Variants in PLEC observed in about 807,000 individuals in gnomAD.
PLEC encodes the protein hemidesmosomal protein 1.
Under a neutral mutation model 392.8 loss-of-function variants are expected in PLEC, and 216 were observed. That is an observed-to-expected ratio of 0.55 (90% CI 0.49 to 0.62). PLEC has a LOEUF of 0.62. PLEC is among the 20% of genes least tolerant of loss of function. The pLI, the probability that PLEC is intolerant of heterozygous loss-of-function variation, is 0.00. For synonymous variants in PLEC, 3,621 were observed against 2,980.6 expected (o/e 1.21, Z -7.00); for missense variants, 6,863 against 6,563.4 (o/e 1.05, Z -1.58).
chr8:143,929,081 G>C (rs1554710113), intron 25 of PLEC, 22 bp downstream of exon 25: 2 of 1,554,124 alleles, frequency 1.3e-6, no homozygotes, highest in Admixed American at 3.9e-5. Flanking sequence ...CCAGCCCCTC[G>C]CCTGTGGCCA....
chr8:143,936,838 C>G, intron 5 of PLEC, 141 bp downstream of exon 5: 2 of 694,520 alleles, frequency 2.9e-6, no homozygotes, highest in Non-Finnish European at 5.1e-6. Flanking sequence ...AGGAAGGCAC[C>G]CAGGTGCCAC....
At chr8:143,929,363 G>A in intron 24 of PLEC, 51 bp downstream of exon 24, 1 of 1,538,412 alleles carries the variant, frequency 6.5e-7, no homozygotes, top group South Asian at 1.2e-5. Context: ...GGGAGGGTGG[G>A]AGGAGGGATG....
rs542642242 is a variant in PLEC, at chr8:143,924,458, G to A, written c.5471C>T (p.Ala1824Val). 1.0e-3 allele frequency: 1,584 copies of A among 1,548,614 alleles called. 3 individuals are homozygous for A. The highest frequency in any genetic ancestry group is 1.0e-3 in the Non-Finnish European group (1,199 of 1,156,888). The change falls in exon 31 of 32, where the codon GCG (alanine) becomes GTG (valine). Residue 1824 changes from alanine to valine, a missense_variant. Transcript: ENST00000345136. Reference sequence around the variant, plus strand: ...CTCCGCCTCGGCCCGCTGCCGCGCCGCGTCTTCCTCGGCCAGCTGCCGCTG... The same window carrying A: ...CTCCGCCTCGGCCCGCTGCCGCGCCACGTCTTCCTCGGCCAGCTGCCGCTG... ...KRQRQLAEEDAARQRAEAERV... is the reference protein window; with the variant it reads ...KRQRQLAEEDVARQRAEAERV...
upstream of PLEC, among the ~76,000 whole-genome samples, chr8:143,944,388 G>T (rs1386445721): frequency 6.6e-6 from 1 of 152,216 alleles, no homozygotes; most frequent in South Asian, 2.1e-4. Flanking sequence ...GGCAGGCATG[G>T]AGGGATGCCA....
intron 17 of PLEC, 44 bp from the exon 18 acceptor site, chr8:143,932,076 T>G (rs894719911): frequency 3.2e-6 from 5 of 1,551,672 alleles, no homozygotes; most frequent in African/African-American, 3.1e-5. Context: ...CCGCCCCGCC[T>G]GGGGACCCGG....
Position 143,924,912 on chromosome 8 carries a change from C to T in PLEC, c.5017G>A (p.Ala1673Thr). Residue 1673 changes from alanine (A) to threonine (T), a missense_variant, in exon 31 of 32, where the codon GCG becomes ACG. Physicochemically the swap from Ala to Thr is moderately conservative, Grantham distance 58. Coordinates refer to ENST00000345136, the MANE Select transcript of PLEC (RefSeq NM_201384.3). ...EKQKEEAERE[A>T]RRRGKAEEQA... The stretch of plus-strand genomic sequence containing the variant: ...TCCTCCGCCTTGCCGCGCCGCCGCG[C>T]CTCGCGCTCCGCCTCCTCCTTCTGC... 6.3e-7 allele frequency: 1 copy of T among 1,585,682 alleles called. No individual in the cohort carries two copies. The highest frequency in any genetic ancestry group is 2.3e-5 in the East Asian group (1 of 44,064).
chr8:143,933,961 C>T lies in PLEC; in HGVS notation c.1263+37G>A, dbSNP rs202219446. On this transcript the variant is annotated intron_variant, in intron 12 of 31. Transcript: ENST00000345136. ...GCAGGGCGGGGCAGGCTCCTCCGGC[C>T]TCCCTCCCGCCCACTGCCTGCCCCA... is the stretch of plus-strand genomic sequence containing the variant. 76 of 1,552,078 alleles carry T rather than the reference C, an allele frequency of 4.9e-5. No homozygotes were observed. In the Admixed American group the frequency reaches 1.3e-3, roughly 27 times the overall value.
At chr8:143,952,091 G>A (rs1301639557), upstream of PLEC, among the ~76,000 whole-genome samples, 2 of 152,192 alleles carry the variant, frequency 1.3e-5, no homozygotes, top group Non-Finnish European at 2.9e-5. Context: ...GAGGTGGGAG[G>A]CGCTGGCCAG....
chr8:143,928,087 G>T, intron 25 of PLEC, 95 bp from the exon 26 acceptor site: 1 of 1,455,138 alleles, frequency 6.9e-7, no homozygotes, highest in Non-Finnish European at 9.2e-7. Flanking sequence ...GGTGCTGCCT[G>T]CCAAGCCCAG....
Position 143,917,272 on chromosome 8 carries a change from G to A in PLEC, c.12549C>T (p.Ile4183=), listed in dbSNP as rs199512865. The A allele has an allele frequency of 7.0e-4, 1,125 of 1,610,686 alleles. 12 individuals are homozygous for A. The South Asian group carries it at 0.012, about 17-fold the overall frequency. ...EQECEWEEIT[I]SSSDGVVKSM... is the part of the protein sequence containing the mutation. ...ACTTGACCACGCCGTCCGAGGAGGAGATGGTGATCTCCTCCCACTCGCACT... is the reference window on the plus strand; with the variant it reads ...ACTTGACCACGCCGTCCGAGGAGGAAATGGTGATCTCCTCCCACTCGCACT... The change falls in exon 32 of 32, where the codon ATC becomes ATT. Residue 4183 remains isoleucine (I), a synonymous_variant. Transcript: ENST00000345136.
chr8:143,952,041 A>G (rs2132745928), upstream of PLEC, among the ~76,000 whole-genome samples: 1 of 152,130 alleles, frequency 6.6e-6, no homozygotes, highest in Non-Finnish European at 1.5e-5. Context: ...ACTGATTATA[A>G]ATAGGGCGGT....
chr8:143,966,405 G>A (rs1362573427), intron 1 of PLEC, among the ~76,000 whole-genome samples: 1 of 152,182 alleles, frequency 6.6e-6, no homozygotes, highest in African/African-American at 2.4e-5. Context: ...CTATCTCACA[G>A]GCATCTCTGA....
chr8:143,962,142 T>A (rs1169448484), intron 1 of PLEC, among the ~76,000 whole-genome samples: 1 of 152,128 alleles, frequency 6.6e-6, no homozygotes. Flanking sequence ...GTAAACAGGG[T>A]CTCTGCAGAT....
In PLEC at chr8:143,920,468, TGGAACA is replaced by T; in HGVS notation, c.9347_9352del (p.Leu3116_Phe3117del). 1 of 1,604,042 alleles carries T rather than the reference TGGAACA, an allele frequency of 6.2e-7. No homozygotes were observed. The highest frequency in any genetic ancestry group is 8.5e-7 in the Non-Finnish European group (1 of 1,175,754). ...GGGAATGAGGCCCTTCTTCAGGGCC[TGGAACA>T]GGGAGACGCTCTGCCCTGTGTAGGG... is the stretch of plus-strand genomic sequence containing the variant. On this transcript the variant is annotated inframe_deletion, in exon 32 of 32. Transcript: ENST00000345136.
chr8:143,930,121 C>T (rs201559005), intron 21 of PLEC, 23 bp downstream of exon 21: 31 of 1,591,464 alleles, frequency 1.9e-5, no homozygotes, highest in Non-Finnish European at 2.6e-5. Context: ...CCAGCCCCCA[C>T]CTGCTGAGCC....
chr8:143,974,498 T>G (rs11775434), upstream of PLEC, among the ~76,000 whole-genome samples: 64,701 of 152,118 alleles, frequency 0.43, 14,152 homozygotes, highest in African/African-American at 0.45. The surrounding 1 kb of genome is among the most constrained non-coding windows in gnomAD (Gnocchi z 5.9). Flanking sequence ...TCTTTCCTGC[T>G]CCTACCAGCC....
At chr8:143,938,713 T>C (rs782078353) in intron 1 of PLEC, 21 bp from the exon 2 acceptor site, 48 of 1,612,424 alleles carry the variant, frequency 3.0e-5, no homozygotes, top group Non-Finnish European at 4.0e-5. Context: ...CAAGACCAGC[T>C]TACCTGGGGC....
chr8:143,948,662 A>G (rs942638560), intron 1 of PLEC, among the ~76,000 whole-genome samples: 5 of 152,074 alleles, frequency 3.3e-5, no homozygotes, highest in African/African-American at 1.2e-4. Context: ...TCCATCGGGG[A>G]GGGGTGCCCT....
At chr8:143,971,170 C>T (rs186321430) in intron 1 of PLEC, among the ~76,000 whole-genome samples, 1 of 152,194 alleles carries the variant, frequency 6.6e-6, no homozygotes, top group African/African-American at 2.4e-5. Context: ...TGAAGGTCAC[C>T]GGAGTGAGGG....
Sources: gnomAD v4.1 joint callset for allele counts (sites outside exome capture counted in the v4.1 genomes callset) on GRCh38, gnomAD v4.1.1 for gene constraint, Gnocchi (gnomAD v3.1) non-coding constraint, MANE v1.5 for transcripts, NCBI Gene and HGNC (gene_info 2026-07-23, HGNC 2026-07-21) for gene names.